Variants in RPS6KC1 observed in about 807,000 individuals in gnomAD.
RPS6KC1 encodes the protein ribosomal protein S6 kinase C1.
RPS6KC1 carries 54 observed loss-of-function variants against 103.8 expected under a neutral mutation model. The observed-to-expected ratio is 0.52, with a 90% CI of 0.42 to 0.65. The LOEUF (loss-of-function observed/expected upper bound fraction) is 0.65, where lower values mean the gene tolerates loss of function less well. Among genes scored for constraint, RPS6KC1 ranks in the 30% least tolerant of loss-of-function variants. The probability of loss-of-function intolerance (pLI) is 0.00; values close to 1 mark genes in which losing one functional copy is unlikely to be tolerated. For missense variants in RPS6KC1, 1,151 were observed against 1,253.8 expected (o/e 0.92, Z 1.24); for synonymous variants, 439 against 438.7 (o/e 1.00, Z -0.01).
At chr1:213,605,296 A>T in the RPS6KC1 span, among the ~76,000 whole-genome samples, 1 of 152,240 alleles carries the variant, frequency 6.6e-6, no homozygotes, top group Non-Finnish European at 1.5e-5. Flanking sequence ...ATTCTTAAAA[A>T]GTCACAGTTT....
chr1:213,615,036 T>C, the RPS6KC1 span, among the ~76,000 whole-genome samples: 1 of 152,212 alleles, frequency 6.6e-6, no homozygotes, highest in Non-Finnish European at 1.5e-5. Flanking sequence ...TCATTGTGTG[T>C]GTGTCCCCAA....
Position 213,240,784 on chromosome 1 carries a change from T to C in RPS6KC1, c.1308T>C (p.Pro436=). 2.5e-6 allele frequency: 4 copies of C among 1,613,910 alleles called. No individual in the cohort carries two copies. Among genetic ancestry groups the C allele is most frequent in the Middle Eastern group, 1.7e-4 (1 of 6,060 alleles). ...TTGACATCAAGGAAGTGAAAAAACCTACACTTGCAAAAGTTCACCTGCAGC... is the reference window on the plus strand; with the variant it reads ...TTGACATCAAGGAAGTGAAAAAACCCACACTTGCAAAAGTTCACCTGCAGC... The part of the protein sequence containing the change: ...ESFDIKEVKK[P]TLAKVHLQQP... Residue 436 remains proline (P), a synonymous_variant, in exon 11 of 15, where the codon CCT becomes CCC. Transcript: ENST00000366960.
the RPS6KC1 span, among the ~76,000 whole-genome samples, chr1:213,578,214 G>T: frequency 3.3e-5 from 5 of 152,232 alleles, no homozygotes; most frequent in African/African-American, 1.2e-4. Flanking sequence ...CAGAAGTCAA[G>T]AATTGAGGTT....
At chr1:213,575,762 G>A in the RPS6KC1 span, among the ~76,000 whole-genome samples, 1 of 152,118 alleles carries the variant, frequency 6.6e-6, no homozygotes, top group Non-Finnish European at 1.5e-5. Flanking sequence ...AGGAGGGCAG[G>A]TCCCCCAGAA....
At chr1:213,724,232 C>T in the RPS6KC1 span, among the ~76,000 whole-genome samples, 1 of 152,170 alleles carries the variant, frequency 6.6e-6, no homozygotes, top group Non-Finnish European at 1.5e-5. Context: ...GGATTATAGG[C>T]ATGTGCCACT....
the RPS6KC1 span, among the ~76,000 whole-genome samples, chr1:213,340,391 C>T: frequency 6.6e-6 from 1 of 152,078 alleles, no homozygotes; most frequent in East Asian, 1.9e-4. Context: ...TACAAGAAGT[C>T]AGAAGAATGA....
the RPS6KC1 span, among the ~76,000 whole-genome samples, chr1:213,553,889 G>T: frequency 6.6e-6 from 1 of 151,860 alleles, no homozygotes; most frequent in South Asian, 2.1e-4. Context: ...TTCGTTTTTT[G>T]CTTGTTGATT....
chr1:213,691,593 T>A, the RPS6KC1 span, among the ~76,000 whole-genome samples: 1 of 152,176 alleles, frequency 6.6e-6, no homozygotes, highest in Middle Eastern at 3.2e-3. Context: ...AGTGTTTCGG[T>A]CTCCAAAGCA....
At chr1:213,576,829 A>G in the RPS6KC1 span, among the ~76,000 whole-genome samples, 3 of 152,262 alleles carry the variant, frequency 2.0e-5, no homozygotes, top group Non-Finnish European at 4.4e-5. Context: ...ACCAAAAGCT[A>G]GGCCTCTTGA....
At chr1:213,512,037 C>G in the RPS6KC1 span, among the ~76,000 whole-genome samples, 2 of 152,114 alleles carry the variant, frequency 1.3e-5, no homozygotes, top group Non-Finnish European at 2.9e-5. Context: ...GAGGCCTTGA[C>G]GAGATAGTGA....
chr1:213,597,444 A>G, the RPS6KC1 span, among the ~76,000 whole-genome samples: 1 of 152,126 alleles, frequency 6.6e-6, no homozygotes, highest in African/African-American at 2.4e-5. Context: ...GAATACAGAG[A>G]AGGTGATGTG....
the RPS6KC1 span, among the ~76,000 whole-genome samples, chr1:213,831,017 A>G: frequency 6.6e-6 from 1 of 152,114 alleles, no homozygotes; most frequent in African/African-American, 2.4e-5. Context: ...GCCATCCTTC[A>G]CTAAAGTTCC....
At chr1:213,700,486 G>A in the RPS6KC1 span, among the ~76,000 whole-genome samples, 50 of 151,648 alleles carry the variant, frequency 3.3e-4, 3 homozygotes, top group East Asian at 8.5e-3. Flanking sequence ...ATCCCTACAC[G>A]TTTTTTGTTT....
intron 3 of RPS6KC1, among the ~76,000 whole-genome samples, chr1:213,096,431 A>G (rs1017701466): frequency 1.3e-5 from 2 of 151,758 alleles, no homozygotes; most frequent in South Asian, 2.1e-4. Context: ...GCTCATGCCT[A>G]TAGTCCCAAC....
intron 3 of RPS6KC1, among the ~76,000 whole-genome samples, chr1:213,079,417 AATT>A (rs920509132): frequency 3.9e-5 from 6 of 151,946 alleles, no homozygotes; most frequent in East Asian, 1.9e-4. Context: ...ATAACTTTTA[AATT>A]ATTATTATTA....
chr1:213,103,747 A>G (rs1399941936), intron 3 of RPS6KC1, among the ~76,000 whole-genome samples: 1 of 152,242 alleles, frequency 6.6e-6, no homozygotes, highest in Non-Finnish European at 1.5e-5. Context: ...TATATGGCAT[A>G]TGATAAATGT....
chr1:213,134,362 C>T (rs544168986), intron 6 of RPS6KC1, among the ~76,000 whole-genome samples: 2 of 151,962 alleles, frequency 1.3e-5, no homozygotes, highest in South Asian at 4.2e-4. Flanking sequence ...CCTTTTACCT[C>T]CTTTCCTCTC....
At chr1:213,208,406 GGA>G (rs1017778085) in intron 8 of RPS6KC1, among the ~76,000 whole-genome samples, 1 of 151,992 alleles carries the variant, frequency 6.6e-6, no homozygotes, top group Non-Finnish European at 1.5e-5. Flanking sequence ...CTTTCTCTTT[GGA>G]GGCCTGTAGG....
chr1:213,638,275 A>G, the RPS6KC1 span, among the ~76,000 whole-genome samples: 1 of 151,860 alleles, frequency 6.6e-6, no homozygotes, highest in South Asian at 2.1e-4. Flanking sequence ...AAATTCTTTA[A>G]ATGTTTTGTT....
Sources: gnomAD v4.1 joint callset for allele counts (sites outside exome capture counted in the v4.1 genomes callset) on GRCh38, gnomAD v4.1.1 for gene constraint, MANE v1.5 for transcripts, NCBI Gene and HGNC (gene_info 2026-07-23, HGNC 2026-07-21) for gene names.